RGS7: variants seen among roughly 807,000 people sequenced by gnomAD.
RGS7 encodes regulator of G-protein signaling 7.
In RGS7, 27 loss-of-function variants were observed where a neutral mutation model predicts 81.1. The observed-to-expected ratio is 0.33, with a 90% CI of 0.25 to 0.46. RGS7 has a LOEUF of 0.46. Ranked by LOEUF, RGS7 falls within the 20% of genes least tolerant of loss-of-function variation. RGS7 has a pLI of 1.00. For missense variants in RGS7, 396 were observed against 607.4 expected, an observed-to-expected ratio of 0.65 and a Z score of 3.66; for synonymous variants, 208 against 207.7, an observed-to-expected ratio of 1.00 and a Z score of -0.01.
chr1:241,065,553 T>G (rs1334174884), intron 3 of RGS7, among the ~76,000 whole-genome samples: 2 of 152,250 alleles, frequency 1.3e-5, no homozygotes, highest in Non-Finnish European at 2.9e-5. Context: ...CTATTTTATA[T>G]CAATGGGAGT....
intron 3 of RGS7, among the ~76,000 whole-genome samples, chr1:241,060,640 C>T (rs574175072): frequency 3.9e-5 from 6 of 152,246 alleles, no homozygotes; most frequent in African/African-American, 7.2e-5. Flanking sequence ...CTCTATGAGA[C>T]GTATCATTGC....
rs190146654 is a variant in RGS7, at chr1:241,092,322, C to T, written c.175+6344G>A. Among the ~76,000 whole-genome samples, 4 of 152,234 alleles carry T rather than the reference C, an allele frequency of 2.6e-5. No individual in the cohort carries two copies. In the East Asian group the frequency reaches 7.7e-4, roughly 29 times the overall value. The stretch of plus-strand genomic sequence containing the variant: ...CCTCTTTTATTCATAAACTTTTATG[C>T]TTCATCTGGATTTGGATCTCTATTC... On this transcript the variant is annotated intron_variant, in intron 3 of 18. Transcript: ENST00000440928.
chr1:240,891,217 A>C (rs1668245054), intron 6 of RGS7, among the ~76,000 whole-genome samples: 1 of 152,116 alleles, frequency 6.6e-6, no homozygotes, highest in Non-Finnish European at 1.5e-5. Flanking sequence ...GGTGGTTATG[A>C]AAATTGAAGG....
At chr1:241,005,367 C>T (rs958756558) in intron 3 of RGS7, among the ~76,000 whole-genome samples, 2 of 152,118 alleles carry the variant, frequency 1.3e-5, no homozygotes, top group Non-Finnish European at 2.9e-5. Flanking sequence ...AGGTATAAAA[C>T]ATTTCCATTG....
At chr1:240,880,270 G>A (rs1169006901) in intron 6 of RGS7, among the ~76,000 whole-genome samples, 5 of 152,302 alleles carry the variant, frequency 3.3e-5, no homozygotes, top group East Asian at 3.9e-4. Flanking sequence ...TTGAAGTCCC[G>A]GGCTCCAGCA....
chr1:241,000,957 A>T (rs1422309356), intron 3 of RGS7, among the ~76,000 whole-genome samples: 1 of 151,634 alleles, frequency 6.6e-6, no homozygotes, highest in Non-Finnish European at 1.5e-5. Flanking sequence ...GTGCCTGACT[A>T]GTTCCTCATT....
intron 2 of RGS7, among the ~76,000 whole-genome samples, chr1:241,111,194 C>A (rs1220633911): frequency 2.0e-5 from 3 of 152,148 alleles, no homozygotes; most frequent in Admixed American, 2.0e-4. Context: ...AAGTTTCCCA[C>A]CTCCTTGGGT....
intron 2 of RGS7, among the ~76,000 whole-genome samples, chr1:241,125,433 C>G (rs71571826): frequency 0.26 from 39,179 of 148,134 alleles, 6,141 homozygotes; most frequent in African/African-American, 0.48. Flanking sequence ...CATGGACACA[C>G]ACACACACAC....
chr1:241,344,627 G>C (rs1261481764), intron 2 of RGS7, among the ~76,000 whole-genome samples: 2 of 152,216 alleles, frequency 1.3e-5, no homozygotes, highest in Admixed American at 1.3e-4. Context: ...TGAATTACGA[G>C]GGTATTTTTT....
At chr1:241,239,475 A>G (rs1220139309) in intron 2 of RGS7, among the ~76,000 whole-genome samples, 1 of 152,176 alleles carries the variant, frequency 6.6e-6, no homozygotes, top group African/African-American at 2.4e-5. Context: ...GCTTAGATAC[A>G]GCCTTTCAGG....
intron 2 of RGS7, among the ~76,000 whole-genome samples, chr1:241,254,216 AG>A (rs372807109): frequency 6.6e-6 from 1 of 151,116 alleles, no homozygotes; most frequent in African/African-American, 2.4e-5. Flanking sequence ...AAAAAAAAAA[AG>A]AAAGAAAGAA....
chr1:241,142,773 T>C (rs1224166551), intron 2 of RGS7, among the ~76,000 whole-genome samples: 1 of 152,228 alleles, frequency 6.6e-6, no homozygotes, highest in African/African-American at 2.4e-5. Flanking sequence ...TCCTTACATA[T>C]GCAAATTTAT....
intron 4 of RGS7, among the ~76,000 whole-genome samples, chr1:240,960,217 C>CTTTTTTTTT (rs750366747): frequency 1.1e-4 from 1 of 8,956 alleles, no homozygotes; most frequent in African/African-American, 3.8e-4. Context: ...TCTTCTTCTT[C>CTTTTTTTTT]TTTTTTTTTT....
chr1:240,909,091 A>G (rs1383376259), intron 6 of RGS7, among the ~76,000 whole-genome samples: 1 of 152,240 alleles, frequency 6.6e-6, no homozygotes, highest in African/African-American at 2.4e-5. Flanking sequence ...TTGGGATTCC[A>G]GTAATTTTCC....
At chr1:240,921,488 C>A (rs1303151259) in intron 6 of RGS7, among the ~76,000 whole-genome samples, 1 of 151,944 alleles carries the variant, frequency 6.6e-6, no homozygotes, top group African/African-American at 2.4e-5. Context: ...TGAAATAAAT[C>A]TTTGTTCAGG....
At chr1:241,190,858 G>A (rs563232440) in intron 2 of RGS7, among the ~76,000 whole-genome samples, 2 of 152,120 alleles carry the variant, frequency 1.3e-5, no homozygotes, top group South Asian at 2.1e-4. Flanking sequence ...GAATAAAAGT[G>A]GTGGAACCTG....
At chr1:241,356,405 C>G (rs1042397042) in intron 1 of RGS7, among the ~76,000 whole-genome samples, 6 of 152,332 alleles carry the variant, frequency 3.9e-5, no homozygotes, top group South Asian at 4.1e-4. Context: ...CACCTGCCTG[C>G]GCTGCCAGCC....
At position 240,793,586 on chromosome 1, in the gene RGS7, AATATATAT is replaced by A. The variant is rs777839011; in HGVS notation, c.*6+7047_*6+7054del. 2.1e-3 allele frequency among the ~76,000 whole-genome samples: 210 copies of A among 102,198 alleles called. 7 individuals carry two copies. In the Middle Eastern group the frequency reaches 0.021, roughly 10 times the overall value. 67.0% of individuals were successfully genotyped at this position (102,198 alleles called of 152,430 possible). On this transcript the variant is annotated intron_variant, in intron 18 of 18. Transcript: ENST00000440928. ...TTATTTTCACTGAAGGTGTAGTAGGAATATATATATATATATATATATATATTTTTTTT... is the reference window on the plus strand; with the variant it reads ...TTATTTTCACTGAAGGTGTAGTAGGAATATATATATATATATATTTTTTTT...
At chr1:241,102,333 A>G (rs981075329) in intron 2 of RGS7, among the ~76,000 whole-genome samples, 2 of 152,210 alleles carry the variant, frequency 1.3e-5, no homozygotes, top group Non-Finnish European at 2.9e-5. Flanking sequence ...CTCTTGGCTA[A>G]CGGGACCCCA....
Sources: gnomAD v4.1 joint callset for allele counts (sites outside exome capture counted in the v4.1 genomes callset) on GRCh38, gnomAD v4.1.1 for gene constraint, MANE v1.5 for transcripts, NCBI Gene and HGNC (gene_info 2026-07-23, HGNC 2026-07-21) for gene names.